Variants in GSTA3 observed in about 807,000 individuals in gnomAD.
GSTA3 encodes the protein glutathione S-transferase alpha 3, also known as glutathione S-transferase A3.
A neutral mutation model predicts 23.1 loss-of-function variants in GSTA3; 16 were observed. The ratio of observed to expected loss-of-function variants is 0.69; its 90% CI spans 0.47 to 1.05. The LOEUF (loss-of-function observed/expected upper bound fraction) is 1.05, where lower values mean the gene tolerates loss of function less well. Among genes scored for constraint, GSTA3 ranks in the 50% least tolerant of loss-of-function variants. The probability of loss-of-function intolerance (pLI) is 0.00; values close to 1 mark genes in which losing one functional copy is unlikely to be tolerated. For missense variants in GSTA3, 319 were observed against 263.6 expected (o/e 1.21, Z -1.46); for synonymous variants, 122 against 91.0 (o/e 1.34, Z -1.94).
intron 1 of GSTA3, among the ~76,000 whole-genome samples, chr6:52,908,441 AGATG>A (rs1765968798): frequency 1.1e-4 from 16 of 152,250 alleles, no homozygotes; most frequent in Admixed American, 9.2e-4. Flanking sequence ...CTTGAGCCCA[AGATG>A]TTAAGGCTGC....
rs45552333 is a variant in GSTA3, at chr6:52,908,327, G to A, written c.-22+1314C>T. On this transcript the variant is annotated intron_variant, in intron 1 of 6. Transcript: ENST00000211122. ...GCTTGAGCTCAGGAGTTCAGGACTG[G>A]CCTGGGCAATTAAATAAAGTCTCTA... 2.9e-3 allele frequency among the ~76,000 whole-genome samples: 436 copies of A among 152,024 alleles called. 2 individuals carry two copies. Among genetic ancestry groups the A allele is most frequent in the African/African-American group, 0.01 (423 of 41,446 alleles).
chr6:52,897,011 T>C, intron 6 of GSTA3, 83 bp from the exon 7 acceptor site: 1 of 1,581,676 alleles, frequency 6.3e-7, no homozygotes, highest in Non-Finnish European at 8.6e-7. Flanking sequence ...TGACCCCTCC[T>C]GCCAGAGACC....
intron 1 of GSTA3, among the ~76,000 whole-genome samples, chr6:52,908,113 G>A (rs45563733): frequency 6.6e-6 from 1 of 150,844 alleles, no homozygotes; most frequent in African/African-American, 2.4e-5. Flanking sequence ...AGTTCAGTCC[G>A]TGCTTTATAG....
intron 1 of GSTA3, among the ~76,000 whole-genome samples, chr6:52,906,493 C>A (rs1329572592): frequency 6.6e-6 from 1 of 152,138 alleles, no homozygotes; most frequent in Non-Finnish European, 1.5e-5. Context: ...AAAAAAGAGC[C>A]CGCATCATCA....
At chr6:52,898,391 A>G (rs1765536758) in intron 5 of GSTA3, among the ~76,000 whole-genome samples, 1 of 152,102 alleles carries the variant, frequency 6.6e-6, no homozygotes, top group African/African-American at 2.4e-5. Context: ...CCAGGAGTAG[A>G]CTATTTCAGA....
chr6:52,900,038 C>T lies in GSTA3; in HGVS notation c.310G>A (p.Glu104Lys). The T allele has an allele frequency of 6.2e-7, 1 of 1,612,964 alleles. No homozygotes were observed. Residue 104 changes from glutamate to lysine, a missense_variant, in exon 5 of 7, where the codon GAA becomes AAA. Coordinates refer to ENST00000211122, the MANE Select transcript of GSTA3 (RefSeq NM_000847.5). ...CATAAGGGCAGAAGAAGGATCATTT[C>T]ATTCAAATCTGCCATACCTTCTGTA... ...MYTEGMADLN[E>K]MILLLPLCRP...
At position 52,907,994 on chromosome 6, in the gene GSTA3, A is replaced by T. The variant is rs45526232; in HGVS notation, c.-22+1647T>A. The stretch of plus-strand genomic sequence containing the variant: ...TATAATAATAATAAATAAATAAATT[A>T]AAAAAAAAAGAAGTTACCATTTTTA... On this transcript the variant is annotated intron_variant, in intron 1 of 6. Coordinates refer to ENST00000211122, the MANE Select transcript of GSTA3 (RefSeq NM_000847.5). 2.3e-3 allele frequency among the ~76,000 whole-genome samples: 334 copies of T among 146,040 alleles called. 4 individuals are homozygous for T. The highest frequency in any genetic ancestry group is 7.1e-3 in the Middle Eastern group (2 of 282).
intron 1 of GSTA3, among the ~76,000 whole-genome samples, chr6:52,906,308 C>T (rs1272788752): frequency 1.3e-5 from 2 of 152,188 alleles, no homozygotes; most frequent in African/African-American, 4.8e-5. Flanking sequence ...AATTTGCCAA[C>T]TAGCTAGTTA....
chr6:52,903,690 C>T lies in GSTA3; in HGVS notation c.125G>A (p.Gly42Glu), dbSNP rs1415571086. 1.3e-6 allele frequency: 2 copies of T among 1,584,630 alleles called. No homozygotes were observed. Among genetic ancestry groups the T allele is most frequent in the South Asian group, 2.2e-5 (2 of 90,340 alleles). ...EKFIGSAEDL[G>E]KLRNDGSLMF... The stretch of plus-strand genomic sequence containing the variant: ...CTTGATCTTACCATTTCTTAACTTT[C>T]CCAAATCTTCTGCAGATCCTATAAA... The change falls in exon 3 of 7, where the codon GGA becomes GAA. Residue 42 changes from glycine (G) to glutamate (E), a missense_variant. Transcript: ENST00000211122.
chr6:52,903,677 AT>A lies in GSTA3; in HGVS notation c.137del (p.Asn46MetfsTer5). The A allele has an allele frequency of 1.9e-6, 3 of 1,544,980 alleles. No homozygotes were observed. Among genetic ancestry groups the A allele is most frequent in the Non-Finnish European group, 2.7e-6 (3 of 1,117,718 alleles). ...GSAEDLGKLR[N>X]DGSLMFQQVP... The stretch of plus-strand genomic sequence containing the variant: ...AGGCACTTAGAGACTTGATCTTACC[AT>A]TTCTTAACTTTCCCAAATCTTCTGC... On this transcript the variant is annotated frameshift_variant and splice_region_variant, in exon 3 of 7. Coordinates refer to ENST00000211122, the MANE Select transcript of GSTA3 (RefSeq NM_000847.5). LOFTEE classifies it high-confidence loss of function.
chr6:52,907,941 T>A (rs1433024031), intron 1 of GSTA3, among the ~76,000 whole-genome samples: 2 of 151,626 alleles, frequency 1.3e-5, no homozygotes, highest in Non-Finnish European at 2.9e-5. Flanking sequence ...AACCTGCACA[T>A]TGTGCACATG....
At chr6:52,901,875 A>C (rs1317772842) in intron 4 of GSTA3, among the ~76,000 whole-genome samples, 1 of 152,214 alleles carries the variant, frequency 6.6e-6, no homozygotes, top group Non-Finnish European at 1.5e-5. Flanking sequence ...CAAGTTGACC[A>C]GTCCATATAA....
chr6:52,899,884 C>G (rs757037456), intron 5 of GSTA3, 50 bp downstream of exon 5: 1 of 1,590,910 alleles, frequency 6.3e-7, no homozygotes, highest in Non-Finnish European at 8.6e-7. Context: ...CACTATTTTT[C>G]TACTGGCCTC....
intron 1 of GSTA3, among the ~76,000 whole-genome samples, chr6:52,906,572 G>T (rs1433213636): frequency 6.6e-6 from 1 of 152,128 alleles, no homozygotes; most frequent in Non-Finnish European, 1.5e-5. Context: ...ATACTACAAG[G>T]CTACAGTAAC....
At chr6:52,908,333 G>A (rs1309534903) in intron 1 of GSTA3, among the ~76,000 whole-genome samples, 2 of 151,786 alleles carry the variant, frequency 1.3e-5, no homozygotes, top group East Asian at 1.9e-4. Flanking sequence ...ACTGGCCTGG[G>A]CAATTAAATA....
intron 1 of GSTA3, among the ~76,000 whole-genome samples, chr6:52,906,657 C>T (rs539735228): frequency 3.6e-4 from 54 of 151,914 alleles, no homozygotes; most frequent in African/African-American, 1.1e-3. Flanking sequence ...GAAATAACGC[C>T]GCATATCTAC....
At chr6:52,908,365 A>G (rs531318947) in intron 1 of GSTA3, among the ~76,000 whole-genome samples, 2 of 152,032 alleles carry the variant, frequency 1.3e-5, no homozygotes, top group Non-Finnish European at 2.9e-5. Context: ...TAAAAAAAAA[A>G]TTAGCCAGGA....
In GSTA3 at chr6:52,896,876, G is replaced by T; in HGVS notation, c.599C>A (p.Pro200His). The T allele has an allele frequency of 3.1e-6, 5 of 1,614,122 alleles. No individual in the cohort carries two copies. The South Asian group carries it at 5.5e-5, about 18-fold the overall frequency. ...NLPTVKKFLQ[P>H]GSPRKPPADA... is the part of the protein sequence containing the mutation. ...TGCGGGAGGCTTCCTTGGGCTGCCA[G>T]GCTGTAGAAACTTCTTCACCGTGGG... is the stretch of plus-strand genomic sequence containing the variant. Residue 200 changes from proline to histidine, a missense_variant, in exon 7 of 7, where the codon CCT becomes CAT. Coordinates refer to ENST00000211122, the MANE Select transcript of GSTA3 (RefSeq NM_000847.5).
At chr6:52,898,320 G>T (rs183378551) in intron 5 of GSTA3, among the ~76,000 whole-genome samples, 1 of 152,136 alleles carries the variant, frequency 6.6e-6, no homozygotes, top group African/African-American at 2.4e-5. Flanking sequence ...TCTACAATCT[G>T]CTCTCTCCCT....
Sources: gnomAD v4.1 joint callset for allele counts (sites outside exome capture counted in the v4.1 genomes callset) on GRCh38, gnomAD v4.1.1 for gene constraint, MANE v1.5 for transcripts, NCBI Gene and HGNC (gene_info 2026-07-23, HGNC 2026-07-21) for gene names.